CPLX2: variants seen among roughly 807,000 people sequenced by gnomAD.
CPLX2 encodes the protein complexin 2, also known as complexin-2.
Under a neutral mutation model 16.3 loss-of-function variants are expected in CPLX2, and 5 were observed. The observed-to-expected ratio is 0.31, with a 90% CI of 0.16 to 0.64. The LOEUF is 0.64. Among genes scored for constraint, CPLX2 ranks in the 30% least tolerant of loss-of-function variants. CPLX2 has a pLI of 0.79. For missense variants in CPLX2, 144 were observed against 181.4 expected (o/e 0.79, Z 1.18); for synonymous variants, 89 against 73.2 (o/e 1.22, Z -1.10).
chr5:175,844,761 A>C (rs1759010831), intron 2 of CPLX2, among the ~76,000 whole-genome samples: 1 of 152,228 alleles, frequency 6.6e-6, no homozygotes, highest in African/African-American at 2.4e-5. Context: ...GAGTTTTTAA[A>C]AGCAGGGCGT....
At chr5:175,804,720 A>G (rs1560032) in intron 1 of CPLX2, among the ~76,000 whole-genome samples, 63,287 of 151,990 alleles carry the variant, frequency 0.42, 14,205 homozygotes, top group Middle Eastern at 0.59. Flanking sequence ...GGTGATTGAC[A>G]CACCCCGGTG....
At chr5:175,868,426 C>A (rs190661125), upstream of CPLX2, among the ~76,000 whole-genome samples, 514 of 152,312 alleles carry the variant, frequency 3.4e-3, 5 homozygotes, top group African/African-American at 0.012. Context: ...TAACATCTTA[C>A]AAATCTGTTC....
At position 175,806,196 on chromosome 5, in the gene CPLX2, C is replaced by CTT. The variant is rs5873513; in HGVS notation, c.-168-2783_-168-2782dup. Among the ~76,000 whole-genome samples, 840 of 147,958 alleles carry CTT rather than the reference C, an allele frequency of 5.7e-3. 12 individuals are homozygous for CTT. Among genetic ancestry groups the CTT allele is most frequent in the East Asian group, 0.045 (227 of 5,032 alleles). On this transcript the variant is annotated intron_variant, in intron 1 of 4. Coordinates refer to the CPLX2 transcript ENST00000359546. ...AAACTGGCTCTGACAACCCGCCAGT[C>CTT]TTTTTTTTTTTGGCCCTGAGGCTCC... is the stretch of plus-strand genomic sequence containing the variant.
upstream of CPLX2, among the ~76,000 whole-genome samples, chr5:175,868,147 C>T (rs926955105): frequency 9.9e-5 from 15 of 152,224 alleles, no homozygotes; most frequent in Non-Finnish European, 1.6e-4. Context: ...GACCAGCCAG[C>T]GAGCTCCAGA....
chr5:175,803,659 G>C (rs1270973115), intron 1 of CPLX2, among the ~76,000 whole-genome samples: 2 of 152,232 alleles, frequency 1.3e-5, no homozygotes, highest in Admixed American at 1.3e-4. Flanking sequence ...GCAGGACCTT[G>C]AAGGCTGAGG....
intron 2 of CPLX2, among the ~76,000 whole-genome samples, chr5:175,865,775 G>A (rs1581098890): frequency 6.6e-6 from 1 of 152,282 alleles, no homozygotes; most frequent in East Asian, 1.9e-4. Flanking sequence ...AAACACCTGC[G>A]GAGCTGGGCA....
intron 2 of CPLX2, among the ~76,000 whole-genome samples, chr5:175,816,562 A>G (rs1758412834): frequency 6.6e-6 from 1 of 152,208 alleles, no homozygotes; most frequent in Admixed American, 6.5e-5. Flanking sequence ...TCTCACCATC[A>G]GGGGCGGGAA....
rs1755518688 is a variant in CPLX2, at chr5:175,879,600, GT to G, written c.208-245del. Reference sequence around the variant, plus strand: ...ACGCCATGTGTTCAGATCTTTGGGGGTTTCAACACAGCAGGAAGTTCTGATG... The same window carrying G: ...ACGCCATGTGTTCAGATCTTTGGGGGTTCAACACAGCAGGAAGTTCTGATG... On this transcript the variant is annotated intron_variant, in intron 3 of 3. Transcript: ENST00000393745. 4.7e-6 allele frequency: 3 copies of G among 636,934 alleles called. No individual in the cohort carries two copies. In the East Asian group the frequency reaches 8.6e-5, roughly 18 times the overall value. 39.5% of individuals were successfully genotyped at this position (636,934 alleles called of 1,614,324 possible).
Position 175,879,905 on chromosome 5 carries a change from C to A in CPLX2, c.265C>A (p.Pro89Thr), listed in dbSNP as rs1755528670. The change falls in exon 4 of 4, where the codon CCC becomes ACC. Residue 89 changes from proline to threonine, a missense_variant. Pro to Thr is a conservative substitution (Grantham distance 38, BLOSUM62 -1). Coordinates refer to ENST00000393745, the MANE Select transcript of CPLX2 (RefSeq NM_001008220.2). ...EAEEKAALEQ[P>T]CEGSLTRPKK... ...AGAGGAGAAAGCAGCCCTGGAGCAG[C>A]CCTGCGAGGGGAGCCTGACCCGGCC... The A allele has an allele frequency of 1.9e-6, 3 of 1,613,728 alleles. No individual in the cohort carries two copies. In the African/African-American group the frequency reaches 4.0e-5, roughly 22 times the overall value.
chr5:175,871,410 G>GGAGAGAGAGAGAGAGAGA (rs72487413), upstream of CPLX2: 1 of 28,680 alleles, frequency 3.5e-5, no homozygotes. Flanking sequence ...AAGAGAGAGA[G>GGAGAGAGAGAGAGAGAGA]GAGAGAGAGA....
chr5:175,828,076 G>T (rs1482159353), intron 2 of CPLX2, among the ~76,000 whole-genome samples: 1 of 152,162 alleles, frequency 6.6e-6, no homozygotes, highest in Non-Finnish European at 1.5e-5. Context: ...TAGATTAACT[G>T]CCTCACATGA....
intron 2 of CPLX2, among the ~76,000 whole-genome samples, chr5:175,842,956 CTA>C (rs1758972120): frequency 6.6e-6 from 1 of 152,202 alleles, no homozygotes; most frequent in Admixed American, 6.5e-5. Flanking sequence ...AACTGTGAGT[CTA>C]GAGACCCCTC....
intron 2 of CPLX2, among the ~76,000 whole-genome samples, chr5:175,822,280 A>G (rs949975569): frequency 2.0e-5 from 3 of 152,016 alleles, no homozygotes; most frequent in African/African-American, 7.2e-5. Flanking sequence ...TCTCAAGTCT[A>G]AGTCCCACTC....
At chr5:175,836,984 A>C (rs1026696669) in intron 2 of CPLX2, among the ~76,000 whole-genome samples, 1 of 152,260 alleles carries the variant, frequency 6.6e-6, no homozygotes, top group Non-Finnish European at 1.5e-5. Flanking sequence ...GGGCAGTTTC[A>C]GTTCTCAAGA....
chr5:175,823,947 G>A (rs896714271), intron 2 of CPLX2, among the ~76,000 whole-genome samples: 3 of 152,176 alleles, frequency 2.0e-5, no homozygotes, highest in Non-Finnish European at 2.9e-5. Flanking sequence ...GTATTGAAAT[G>A]CGCTTTCAAT....
upstream of CPLX2, chr5:175,871,441 G>GAGAGAA (rs1759602204): frequency 4.8e-5 from 4 of 83,206 alleles, no homozygotes; most frequent in African/African-American, 1.2e-4. Context: ...GACAGAGAGA[G>GAGAGAA]AGAGAGAGAG....
intron 1 of CPLX2, among the ~76,000 whole-genome samples, chr5:175,874,621 G>T (rs1759715034): frequency 6.6e-6 from 1 of 152,168 alleles, no homozygotes; most frequent in Admixed American, 6.5e-5. Flanking sequence ...TGGGTGTGTG[G>T]GGAAAGCCAG....
At chr5:175,823,890 A>G (rs1758558136) in intron 2 of CPLX2, among the ~76,000 whole-genome samples, 1 of 152,202 alleles carries the variant, frequency 6.6e-6, no homozygotes, top group South Asian at 2.1e-4. Flanking sequence ...GAGACAGATT[A>G]TGTAAACTGT....
At chr5:175,822,892 A>C (rs1290613249) in intron 2 of CPLX2, among the ~76,000 whole-genome samples, 2 of 152,256 alleles carry the variant, frequency 1.3e-5, no homozygotes, top group Non-Finnish European at 2.9e-5. Context: ...TGAGTGGGAA[A>C]GGGGAACATC....
Sources: gnomAD v4.1 joint callset for allele counts (sites outside exome capture counted in the v4.1 genomes callset) on GRCh38, gnomAD v4.1.1 for gene constraint, MANE v1.5 for transcripts, NCBI Gene and HGNC (gene_info 2026-07-23, HGNC 2026-07-21) for gene names.